The following FAF1 variants were observed in gnomAD, a reference collection of about 807,000 sequenced individuals.
The protein encoded by FAF1 is FAS-associated factor 1.
FAF1 carries 25 observed loss-of-function variants against 92.5 expected under a neutral mutation model. The ratio of observed to expected loss-of-function variants is 0.27; its 90% CI spans 0.20 to 0.38. FAF1 has a LOEUF of 0.38. FAF1 is among the 10% of genes least tolerant of loss of function. The pLI is 1.00. For missense variants in FAF1, 636 were observed against 793.3 expected, an observed-to-expected ratio of 0.80 and a Z score of 2.38; for synonymous variants, 234 against 273.2, an observed-to-expected ratio of 0.86 and a Z score of 1.42.
At position 50,705,815 on chromosome 1, in the gene FAF1, T is replaced by C; in HGVS notation, c.628A>G (p.Asn210Asp). Residue 210 changes from asparagine (N) to aspartate (D), a missense_variant, in exon 7 of 19, where the codon AAC becomes GAC. Asn to Asp is a conservative substitution (Grantham distance 23, BLOSUM62 1). Coordinates refer to ENST00000396153, the MANE Select transcript of FAF1 (RefSeq NM_007051.3). ...TGAATAGTACTGCTTCCTGAGAAGT[T>C]CAGGTTGTACTCCCGCTGGACTTCT... ...HREVQREYNL[N>D]FSGSSTIQEV... 6.2e-7 allele frequency: 1 copy of C among 1,610,474 alleles called. No individual in the cohort carries two copies.
chr1:50,804,275 C>T (rs902838464), intron 2 of FAF1, among the ~76,000 whole-genome samples: 1 of 152,146 alleles, frequency 6.6e-6, no homozygotes, highest in African/African-American at 2.4e-5. Context: ...TGAAAAATCA[C>T]AGCTACGTTC....
chr1:50,687,907 G>A (rs1353920935), intron 7 of FAF1, among the ~76,000 whole-genome samples: 6 of 152,078 alleles, frequency 3.9e-5, no homozygotes, highest in South Asian at 2.1e-4. Context: ...AGGCCAAGGC[G>A]GGCGGATCAC....
At chr1:50,627,629 A>G (rs1372619209) in intron 8 of FAF1, among the ~76,000 whole-genome samples, 3 of 152,142 alleles carry the variant, frequency 2.0e-5, no homozygotes, top group Non-Finnish European at 4.4e-5. Context: ...CGCATGATTC[A>G]TAATATATAA....
intron 4 of FAF1, among the ~76,000 whole-genome samples, chr1:50,764,337 C>T (rs937253347): frequency 2.6e-5 from 4 of 152,078 alleles, no homozygotes; most frequent in African/African-American, 7.2e-5. Flanking sequence ...CGTATAAGGT[C>T]GAGGAATTGT....
chr1:50,598,841 A>G lies in FAF1; in HGVS notation c.745-2625T>C, dbSNP rs577762709. ...AAAAATTAGCCGGGCATGGTGGTTCATGCTTGTAATCCCAGCTACTTGGGA... is the reference window on the plus strand; with the variant it reads ...AAAAATTAGCCGGGCATGGTGGTTCGTGCTTGTAATCCCAGCTACTTGGGA... On this transcript the variant is annotated intron_variant, in intron 8 of 18. Transcript: ENST00000396153. 1.8e-4 allele frequency among the ~76,000 whole-genome samples: 28 copies of G among 152,180 alleles called. No homozygotes were observed. In the East Asian group the frequency reaches 3.7e-3, roughly 20 times the overall value.
At chr1:50,470,066 T>C (rs1326280811) in intron 18 of FAF1, among the ~76,000 whole-genome samples, 1 of 152,226 alleles carries the variant, frequency 6.6e-6, no homozygotes, top group East Asian at 1.9e-4. Flanking sequence ...CTTCTGGCTC[T>C]TGTTTTTTAA....
chr1:50,689,156 G>A (rs1393650764), intron 7 of FAF1, among the ~76,000 whole-genome samples: 6 of 152,252 alleles, frequency 3.9e-5, no homozygotes, highest in Middle Eastern at 3.4e-3. Flanking sequence ...AACTATACAC[G>A]TAAAAATGGT....
chr1:50,620,834 G>A (rs1328014025), intron 8 of FAF1, among the ~76,000 whole-genome samples: 3 of 152,258 alleles, frequency 2.0e-5, no homozygotes, highest in Non-Finnish European at 2.9e-5. Context: ...ATTCTCAGGT[G>A]TGCTCTGTGG....
intron 15 of FAF1, among the ~76,000 whole-genome samples, chr1:50,520,716 T>G (rs1302731814): frequency 2.0e-5 from 3 of 152,068 alleles, no homozygotes; most frequent in Admixed American, 1.3e-4. Context: ...GGTGTGGTGG[T>G]GCACGCCTGT....
chr1:50,878,171 T>C, intron 1 of FAF1, among the ~76,000 whole-genome samples: 1 of 152,220 alleles, frequency 6.6e-6, no homozygotes, highest in East Asian at 1.9e-4. Context: ...CAATTCTTGC[T>C]TCCCAAAATA....
intron 13 of FAF1, among the ~76,000 whole-genome samples, chr1:50,554,291 A>G (rs1649446320): frequency 1.3e-5 from 2 of 150,824 alleles, no homozygotes; most frequent in East Asian, 3.9e-4. Context: ...CTGAGCCACA[A>G]ATAGTTTCCT....
At chr1:50,644,179 C>T (rs1294121569) in intron 8 of FAF1, among the ~76,000 whole-genome samples, 6 of 152,178 alleles carry the variant, frequency 3.9e-5, no homozygotes, top group Non-Finnish European at 8.8e-5. Context: ...ATTCCTTATT[C>T]AGGCTTCTTT....
intron 6 of FAF1, among the ~76,000 whole-genome samples, chr1:50,736,412 T>C (rs1476512002): frequency 6.6e-6 from 1 of 152,240 alleles, no homozygotes; most frequent in Non-Finnish European, 1.5e-5. Context: ...TGATATGCTA[T>C]ATAACTTACT....
Position 50,744,697 on chromosome 1 carries a change from T to A in FAF1, c.446A>T (p.Asp149Val). Residue 149 changes from aspartate to valine, a missense_variant, in exon 5 of 19, where the codon GAT becomes GTT. By Grantham distance (152) the Asp-to-Val change is radical (BLOSUM62 -3). Around this residue, in one of 2 missense-constraint regions of FAF1, gnomAD observed 317 missense variants for 342.4 expected, o/e 0.93. Coordinates refer to ENST00000396153, the MANE Select transcript of FAF1 (RefSeq NM_007051.3). ...TAAGAAACTCACACTGTCTTCCACA[T>A]CTCCCGTCTTCCAGCCTTTTAACAG... Reference protein sequence around the residue: ...KMLLKGWKTGDVEDSTVLKSL... With the variant: ...KMLLKGWKTGVVEDSTVLKSL... The A allele has an allele frequency of 6.2e-7, 1 of 1,604,938 alleles. No individual in the cohort carries two copies. Among genetic ancestry groups the A allele is most frequent in the South Asian group, 1.1e-5 (1 of 89,972 alleles).
At chr1:50,808,360 C>T (rs1233333450) in intron 2 of FAF1, among the ~76,000 whole-genome samples, 2 of 152,068 alleles carry the variant, frequency 1.3e-5, no homozygotes, top group Non-Finnish European at 2.9e-5. Flanking sequence ...AATTAAGATG[C>T]GTAACAACCA....
chr1:50,768,193 G>C (rs549110503), intron 4 of FAF1, among the ~76,000 whole-genome samples: 22 of 152,090 alleles, frequency 1.4e-4, no homozygotes, highest in Non-Finnish European at 2.9e-4. Context: ...ATTAAAAAAA[G>C]ATAAAGAAGG....
chr1:50,936,001 T>A (rs1234972292), intron 1 of FAF1, among the ~76,000 whole-genome samples: 5 of 152,220 alleles, frequency 3.3e-5, no homozygotes, highest in Non-Finnish European at 7.3e-5. Flanking sequence ...AACAAACTAA[T>A]GTCCATTTAC....
At chr1:50,841,340 G>A (rs1296769119) in intron 2 of FAF1, among the ~76,000 whole-genome samples, 1 of 151,722 alleles carries the variant, frequency 6.6e-6, no homozygotes, top group Non-Finnish European at 1.5e-5. Context: ...AGAAAAATTG[G>A]TATGTATGTA....
chr1:50,686,926 T>A (rs770591593), intron 7 of FAF1, among the ~76,000 whole-genome samples: 11 of 152,058 alleles, frequency 7.2e-5, no homozygotes, highest in Non-Finnish European at 1.6e-4. Flanking sequence ...CCTCCCGGGT[T>A]CAAGCGATTC....
Sources: allele counts gnomAD v4.1 joint callset (sites outside exome capture counted in the v4.1 genomes callset), GRCh38; gene constraint gnomAD v4.1.1; regional missense constraint gnomAD v4.1.1; transcripts MANE v1.5; gene names NCBI Gene and HGNC (gene_info 2026-07-23, HGNC 2026-07-21).